The following AKR1E2 variants were observed in gnomAD, a reference collection of about 807,000 sequenced individuals.
AKR1E2 encodes aldo-keto reductase family 1 member E2.
Under a neutral mutation model 41.9 loss-of-function variants are expected in AKR1E2, and 43 were observed. The observed-to-expected ratio is 1.03, with a 90% confidence interval of 0.80 to 1.32. AKR1E2 has a LOEUF of 1.32. AKR1E2 is among the 40% of genes most tolerant of loss of function. The probability of loss-of-function intolerance (pLI) is 0.00; values close to 1 mark genes in which losing one functional copy is unlikely to be tolerated. For synonymous variants in AKR1E2, 121 were observed against 138.9 expected, an observed-to-expected ratio of 0.87 and a Z score of 0.91; for missense variants, 423 against 396.5, an observed-to-expected ratio of 1.07 and a Z score of -0.57.
intron 3 of AKR1E2, 87 bp downstream of exon 3, chr10:4,833,553 A>C: frequency 8.5e-7 from 1 of 1,170,434 alleles, no homozygotes; most frequent in Non-Finnish European, 1.3e-6. Flanking sequence ...GAGAGCATGG[A>C]CCAGCATTCA....
rs1834420423 is a variant in AKR1E2 at position 4,847,511 on chromosome 10, C to T, written c.944C>T (p.Pro315Leu). 6.2e-7 allele frequency: 1 copy of T among 1,613,664 alleles called. No individual in the cohort carries two copies. The highest frequency in any genetic ancestry group is 1.3e-5 in the African/African-American group (1 of 74,892). Residue 315 changes from proline to leucine, a missense_variant, in exon 10 of 10, where the codon CCT (proline) becomes CTT (leucine). By Grantham distance (98) the Pro-to-Leu change is moderately conservative. Transcript: ENST00000298375. Reference protein sequence around the residue: ...FPITKNHKDYPFHIEY With the variant: ...FPITKNHKDYLFHIEY Reference sequence around the variant, plus strand: ...AGAACTAAAAATCACAAAGACTATCCTTTCCACATAGAATACTGAGGACGC... The same window carrying T: ...AGAACTAAAAATCACAAAGACTATCTTTTCCACATAGAATACTGAGGACGC...
the AKR1E2 span, among the ~76,000 whole-genome samples, chr10:4,857,303 G>A: frequency 5.9e-5 from 9 of 152,288 alleles, no homozygotes; most frequent in African/African-American, 1.7e-4. Context: ...GGATCATGGG[G>A]TTGGAGTTCT....
intron 1 of AKR1E2, among the ~76,000 whole-genome samples, 173 bp downstream of exon 1, chr10:4,826,536 G>T (rs1832523278): frequency 6.6e-6 from 1 of 152,168 alleles, no homozygotes; most frequent in African/African-American, 2.4e-5. Flanking sequence ...CAAGCAGCCC[G>T]GCCCGGCCTT....
At chr10:4,831,004 GGTTT>G (rs1832926994) in intron 2 of AKR1E2, among the ~76,000 whole-genome samples, 162 bp downstream of exon 2, 2 of 152,184 alleles carry the variant, frequency 1.3e-5, no homozygotes, top group African/African-American at 4.8e-5. Flanking sequence ...ATTGTGTGCA[GGTTT>G]GTTTCATATT....
At chr10:4,870,238 T>C in the AKR1E2 span, among the ~76,000 whole-genome samples, 1 of 152,070 alleles carries the variant, frequency 6.6e-6, no homozygotes, top group African/African-American at 2.4e-5. Flanking sequence ...CCATTTATAA[T>C]AGAATTTCAT....
Position 4,839,901 on chromosome 10 carries a change from G to A in AKR1E2, c.680+75G>A, listed in dbSNP as rs1321395532. 2.2e-5 allele frequency: 30 copies of A among 1,371,112 alleles called. No homozygotes were observed. The East Asian group carries it at 6.4e-4, about 29-fold the overall frequency. The allele number at this position is 1,371,112 out of a possible 1,614,324, so 84.9% of individuals were successfully genotyped here. On this transcript the variant is annotated intron_variant, in intron 6 of 9. Transcript: ENST00000298375. ...TGCCACCTTCTCATTTCCTTGGGAT[G>A]ACTGAGGGAGGGCTTAATGGAGGTT...
intron 3 of AKR1E2, 23 bp from the exon 4 acceptor site, chr10:4,835,652 A>T: frequency 6.4e-7 from 1 of 1,571,618 alleles, no homozygotes. Flanking sequence ...GTTTTCACAC[A>T]TCTCAACTCT....
At chr10:4,850,439 A>G (rs4880690), downstream of AKR1E2, among the ~76,000 whole-genome samples, 89,100 of 152,116 alleles carry the variant, frequency 0.59, 27,519 homozygotes, top group Admixed American at 0.69. Flanking sequence ...AATGGGCATC[A>G]AGGAGCAAGA....
chr10:4,844,555 A>T (rs1834160147), intron 8 of AKR1E2, among the ~76,000 whole-genome samples: 3 of 152,094 alleles, frequency 2.0e-5, no homozygotes, highest in Admixed American at 2.0e-4. Context: ...GTCTGTTTTG[A>T]CAGGGTGCTG....
chr10:4,871,826 C>T, the AKR1E2 span: 2 of 152,170 alleles, frequency 1.3e-5, no homozygotes, highest in African/African-American at 4.8e-5. Flanking sequence ...GAAAACTTCC[C>T]ATCCATGAGA....
chr10:4,841,513 G>A (rs1000272290), intron 6 of AKR1E2, among the ~76,000 whole-genome samples: 5 of 152,076 alleles, frequency 3.3e-5, no homozygotes, highest in East Asian at 1.9e-4. Flanking sequence ...GGCTGCATGC[G>A]CTGACATGGC....
Position 4,847,798 on chromosome 10 carries a change from C to A in AKR1E2, c.*268C>A, listed in dbSNP as rs1432158372. 3 of 473,110 alleles carry A rather than the reference C, an allele frequency of 6.3e-6. No homozygotes were observed. The highest frequency in any genetic ancestry group is 1.1e-5 in the Non-Finnish European group (3 of 269,678). The allele number at this position is 473,110 out of a possible 1,614,324, so 29.3% of individuals were successfully genotyped here. On this transcript the variant is annotated 3_prime_UTR_variant, in exon 10 of 10. Coordinates refer to ENST00000298375, the MANE Select transcript of AKR1E2 (RefSeq NM_001040177.3). Reference sequence around the variant, plus strand: ...GAGTCATCAGTGAAATTTGCCTTCACATTTTAAGAAAACTTTATCTTATGG... The same window carrying A: ...GAGTCATCAGTGAAATTTGCCTTCAAATTTTAAGAAAACTTTATCTTATGG...
chr10:4,843,320 G>A (rs1834033272), intron 8 of AKR1E2, among the ~76,000 whole-genome samples: 1 of 152,170 alleles, frequency 6.6e-6, no homozygotes. Flanking sequence ...ACAGTGAAGG[G>A]ATAGCATAGT....
chr10:4,827,075 G>GAAAAAAAAAA (rs5782783), intron 1 of AKR1E2, among the ~76,000 whole-genome samples: 4 of 123,146 alleles, frequency 3.2e-5, no homozygotes, highest in Non-Finnish European at 5.0e-5. Flanking sequence ...GACCTTGCTG[G>GAAAAAAAAAA]AAAAAAAAAA....
chr10:4,843,651 G>T (rs115939997), intron 8 of AKR1E2, among the ~76,000 whole-genome samples: 2,382 of 152,348 alleles, frequency 0.016, 66 homozygotes, highest in African/African-American at 0.055. Context: ...AACAGTGCCT[G>T]TGCCCTCAGG....
chr10:4,830,316 G>C (rs771639427), intron 1 of AKR1E2, among the ~76,000 whole-genome samples: 1 of 151,996 alleles, frequency 6.6e-6, no homozygotes, highest in African/African-American at 2.4e-5. Flanking sequence ...ATTATTGGAC[G>C]CTGTGGTATC....
At chr10:4,826,764 C>T (rs781404182) in intron 1 of AKR1E2, among the ~76,000 whole-genome samples, 2 of 152,240 alleles carry the variant, frequency 1.3e-5, no homozygotes, top group Middle Eastern at 3.4e-3. Context: ...CTCGAAGCCT[C>T]CTCTCCAGCA....
the AKR1E2 span, among the ~76,000 whole-genome samples, chr10:4,858,303 A>G: frequency 6.6e-6 from 1 of 152,196 alleles, no homozygotes; most frequent in Non-Finnish European, 1.5e-5. Context: ...ATATATGAAG[A>G]AAAAAAGGAA....
intron 3 of AKR1E2, 54 bp downstream of exon 3, chr10:4,833,520 C>A: frequency 6.8e-7 from 1 of 1,463,354 alleles, no homozygotes; most frequent in Admixed American, 1.7e-5. Flanking sequence ...CCTCCCCGTG[C>A]TCACACCCTG....
Sources: gnomAD v4.1 joint callset for allele counts (sites outside exome capture counted in the v4.1 genomes callset) on GRCh38, gnomAD v4.1.1 for gene constraint, MANE v1.5 for transcripts, NCBI Gene and HGNC (gene_info 2026-07-23, HGNC 2026-07-21) for gene names.